Variants in LHCGR observed in about 807,000 individuals in gnomAD.
LHCGR encodes the protein luteinizing hormone/choriogonadotropin receptor.
LHCGR carries 55 observed loss-of-function variants against 60.7 expected under a neutral mutation model. The observed-to-expected ratio is 0.91, with a 90% confidence interval of 0.73 to 1.13. LHCGR has a LOEUF of 1.13. Among genes scored for constraint, LHCGR ranks in the 50% most tolerant of loss-of-function variants. The probability of loss-of-function intolerance (pLI) is 0.00; values close to 1 mark genes in which losing one functional copy is unlikely to be tolerated. For missense variants in LHCGR, 862 were observed against 836.0 expected (o/e 1.03, Z -0.38); for synonymous variants, 337 against 316.5 (o/e 1.06, Z -0.69).
chr2:48,740,346 CAAG>C (rs1167232274), intron 1 of LHCGR, among the ~76,000 whole-genome samples: 1 of 151,192 alleles, frequency 6.6e-6, no homozygotes, highest in Non-Finnish European at 1.5e-5. Flanking sequence ...CACCACAGCT[CAAG>C]AAGGCCTGCC....
intron 1 of LHCGR, among the ~76,000 whole-genome samples, chr2:48,750,020 G>C (rs866070417): frequency 6.6e-6 from 1 of 152,234 alleles, no homozygotes; most frequent in South Asian, 2.1e-4. Flanking sequence ...AGCTGAGTCA[G>C]AACTAAGGTT....
At position 48,730,412 on chromosome 2, in the gene LHCGR, G is replaced by A. The variant is rs548971247; in HGVS notation, c.233+815C>T. 5.9e-5 allele frequency among the ~76,000 whole-genome samples: 9 copies of A among 152,302 alleles called. No homozygotes were observed. In the South Asian group the frequency reaches 1.4e-3, roughly 25 times the overall value. On this transcript the variant is annotated intron_variant, in intron 2 of 10. Transcript: ENST00000294954. ...TTTCCTATAATATGCAGTAATTCTT[G>A]AGGAATTATTTTAAATATTCTAATT...
intron 7 of LHCGR, among the ~76,000 whole-genome samples, chr2:48,712,990 A>G (rs1370844225): frequency 6.6e-6 from 1 of 152,218 alleles, no homozygotes; most frequent in East Asian, 1.9e-4. Flanking sequence ...CATATTGTAC[A>G]GAATTTTGCT....
intron 1 of LHCGR, among the ~76,000 whole-genome samples, chr2:48,751,049 TACAAA>T (rs1669934081): frequency 6.6e-6 from 1 of 152,098 alleles, no homozygotes; most frequent in South Asian, 2.1e-4. Flanking sequence ...GTGAGATATG[TACAAA>T]AATATATGTA....
chr2:48,719,689 C>T (rs935341902), intron 6 of LHCGR, among the ~76,000 whole-genome samples: 2 of 152,124 alleles, frequency 1.3e-5, no homozygotes, highest in African/African-American at 4.8e-5. Context: ...TGAGTTTCTC[C>T]AGCATCAAGT....
chr2:48,723,583 T>TA, intron 5 of LHCGR, 39 bp downstream of exon 5: 1 of 1,603,952 alleles, frequency 6.2e-7, no homozygotes, highest in Non-Finnish European at 8.5e-7. Context: ...TAGCTGCAAA[T>TA]AGGAAACTGT....
intron 1 of LHCGR, among the ~76,000 whole-genome samples, chr2:48,741,812 T>A (rs1183967750): frequency 2.0e-5 from 3 of 151,352 alleles, no homozygotes; most frequent in Admixed American, 2.0e-4. Flanking sequence ...GCTAACATCA[T>A]AATGACAGGA....
chr2:48,739,475 T>C (rs1669338405), intron 1 of LHCGR, among the ~76,000 whole-genome samples: 1 of 152,148 alleles, frequency 6.6e-6, no homozygotes, highest in African/African-American at 2.4e-5. Context: ...TGGAATACTA[T>C]GCAGCCATAA....
chr2:48,731,325 AGTTTAAGATTTAT>A, intron 1 of LHCGR, 27 bp from the exon 2 acceptor site: 1 of 1,548,620 alleles, frequency 6.5e-7, no homozygotes, highest in Non-Finnish European at 8.9e-7. Flanking sequence ...GAAATCCAAG[AGTTTAAGATTTAT>A]GATAGGGTGC....
chr2:48,721,514 C>T, intron 6 of LHCGR: 1 of 316,678 alleles, frequency 3.2e-6, no homozygotes, highest in South Asian at 2.8e-5. Flanking sequence ...TTGCATTAAT[C>T]TGAGATGAAG....
Position 48,688,782 on chromosome 2 carries a change from TG to T in LHCGR, c.1014del (p.Lys339ArgfsTer27). 3 of 1,614,120 alleles carry T rather than the reference TG, an allele frequency of 1.9e-6. No individual in the cohort carries two copies. The highest frequency in any genetic ancestry group is 1.7e-6 in the Non-Finnish European group (2 of 1,179,994). The part of the protein sequence containing the change: ...GWDYEYGFCL[P>X]KTPRCAPEPD... ...GGTTCAGGAGCACATCGGGGTGTCT[TG>T]GGTAAGCAGAAACCATATTCATAGT... On this transcript the variant is annotated frameshift_variant, in exon 11 of 11. Coordinates refer to ENST00000294954, the MANE Select transcript of LHCGR (RefSeq NM_000233.4). LOFTEE classifies it high-confidence loss of function. This position sits in a 1 kb window ranked among gnomAD's most constrained non-coding sequence, Gnocchi z 5.2.
At chr2:48,729,859 A>C (rs1668909851) in intron 2 of LHCGR, among the ~76,000 whole-genome samples, 1 of 152,214 alleles carries the variant, frequency 6.6e-6, no homozygotes, top group African/African-American at 2.4e-5. Flanking sequence ...TTCACTTCTG[A>C]ATCCTTGGTG....
intron 6 of LHCGR, among the ~76,000 whole-genome samples, chr2:48,722,871 G>A (rs1468535099): frequency 1.3e-5 from 2 of 152,150 alleles, no homozygotes; most frequent in East Asian, 3.9e-4. Flanking sequence ...GAGGCCTTAG[G>A]AAACACCATG....
chr2:48,737,683 C>T (rs904130492), intron 1 of LHCGR, among the ~76,000 whole-genome samples: 2 of 152,192 alleles, frequency 1.3e-5, no homozygotes, highest in Non-Finnish European at 2.9e-5. Flanking sequence ...TCAGTGTTAA[C>T]TGAAATATGA....
At chr2:48,693,718 G>T (rs1558810147) in intron 10 of LHCGR, among the ~76,000 whole-genome samples, 1 of 152,234 alleles carries the variant, frequency 6.6e-6, no homozygotes. Context: ...AAGTTAGTCA[G>T]TAAAACAGAG....
intron 1 of LHCGR, among the ~76,000 whole-genome samples, chr2:48,733,857 T>G (rs1669106710): frequency 6.6e-6 from 1 of 152,212 alleles, no homozygotes; most frequent in Admixed American, 6.5e-5. Flanking sequence ...CCAGAATTTA[T>G]TAATAAAGTT....
chr2:48,725,771 A>G lies in LHCGR; in HGVS notation c.309-21T>C, dbSNP rs760965000. 2.4e-5 allele frequency: 38 copies of G among 1,567,424 alleles called. No homozygotes were observed. The South Asian group carries it at 3.7e-4, about 15-fold the overall frequency. ...TCAGTCTGTAAAGAGAGAGGGAAAA[A>G]AAAAGCTGCTGTTTAATAGATGTGT... On this transcript the variant is annotated intron_variant, in intron 3 of 10. Transcript: ENST00000294954.
intron 1 of LHCGR, among the ~76,000 whole-genome samples, chr2:48,737,749 C>T (rs138201443): frequency 1.3e-5 from 2 of 152,314 alleles, no homozygotes; most frequent in African/African-American, 2.4e-5. Context: ...AACTTTGGAA[C>T]AGTCTTTAAA....
intron 7 of LHCGR, among the ~76,000 whole-genome samples, chr2:48,711,823 C>T (rs978230608): frequency 6.6e-6 from 1 of 152,160 alleles, no homozygotes; most frequent in Non-Finnish European, 1.5e-5. Context: ...TGTCTCTAGC[C>T]CTGCCCTACC....
Sources: gnomAD v4.1 joint callset for allele counts (sites outside exome capture counted in the v4.1 genomes callset) on GRCh38, gnomAD v4.1.1 for gene constraint, Gnocchi (gnomAD v3.1) non-coding constraint, MANE v1.5 for transcripts, NCBI Gene and HGNC (gene_info 2026-07-23, HGNC 2026-07-21) for gene names.